MACROD2: variants seen among roughly 807,000 people sequenced by gnomAD.
MACROD2 encodes the protein ADP-ribose glycohydrolase MACROD2.
In MACROD2, 36 loss-of-function variants were observed where a neutral mutation model predicts 70.4. That is an observed-to-expected ratio of 0.51 (90% CI 0.39 to 0.68). The LOEUF is 0.68. Ranked by LOEUF, MACROD2 falls within the 30% of genes least tolerant of loss-of-function variation. The pLI is 0.00. For missense variants in MACROD2, 496 were observed against 538.4 expected (o/e 0.92, Z 0.78); for synonymous variants, 172 against 178.8 (o/e 0.96, Z 0.30).
At chr20:15,588,142 T>C (rs1052372983) in intron 8 of MACROD2, among the ~76,000 whole-genome samples, 13 of 152,320 alleles carry the variant, frequency 8.5e-5, no homozygotes, top group South Asian at 2.1e-4. Flanking sequence ...TTGACTTCTG[T>C]GCACCCGCAG....
At chr20:15,550,035 T>C (rs2048074877) in intron 8 of MACROD2, among the ~76,000 whole-genome samples, 1 of 152,068 alleles carries the variant, frequency 6.6e-6, no homozygotes, top group Non-Finnish European at 1.5e-5. Flanking sequence ...TCAGTTTATA[T>C]TCAGATTTCC....
chr20:14,861,305 T>C (rs1164420785), intron 5 of MACROD2, among the ~76,000 whole-genome samples: 1 of 152,088 alleles, frequency 6.6e-6, no homozygotes, highest in Non-Finnish European at 1.5e-5. Flanking sequence ...CCTGCAGAGA[T>C]GTTGTTCTCA....
intron 13 of MACROD2, among the ~76,000 whole-genome samples, chr20:15,983,407 T>C (rs1330281947): frequency 1.3e-5 from 2 of 152,110 alleles, no homozygotes; most frequent in Non-Finnish European, 2.9e-5. Flanking sequence ...CCAGTAAAGG[T>C]CCACCACAAT....
intron 3 of MACROD2, among the ~76,000 whole-genome samples, chr20:14,159,584 C>G (rs1051653028): frequency 6.6e-6 from 1 of 152,094 alleles, no homozygotes; most frequent in Non-Finnish European, 1.5e-5. Flanking sequence ...TATCCTGTAA[C>G]TTTACTGAAA....
intron 2 of MACROD2, among the ~76,000 whole-genome samples, chr20:14,078,068 A>G (rs950705052): frequency 2.6e-5 from 4 of 151,664 alleles, no homozygotes; most frequent in African/African-American, 9.7e-5. Context: ...ACGCCTGGCT[A>G]ATTTTGTATT....
intron 7 of MACROD2, among the ~76,000 whole-genome samples, chr20:15,482,953 T>C (rs1479257625): frequency 6.6e-6 from 1 of 152,074 alleles, no homozygotes; most frequent in Non-Finnish European, 1.5e-5. Context: ...GTTTCTTGTA[T>C]ATTTAGGATA....
At chr20:15,085,865 A>G (rs1201428343) in intron 5 of MACROD2, among the ~76,000 whole-genome samples, 1 of 109,372 alleles carries the variant, frequency 9.1e-6, no homozygotes, top group South Asian at 2.8e-4. Flanking sequence ...AATAACACAC[A>G]CACACACAAC....
intron 3 of MACROD2, among the ~76,000 whole-genome samples, chr20:14,447,309 C>A (rs559983124): frequency 3.9e-5 from 6 of 152,138 alleles, no homozygotes; most frequent in African/African-American, 1.4e-4. Context: ...TGAGCCACTG[C>A]GCCCAGCCGA....
intron 6 of MACROD2, among the ~76,000 whole-genome samples, chr20:15,334,280 CT>C (rs2146196200): frequency 6.6e-6 from 1 of 150,914 alleles, no homozygotes; most frequent in African/African-American, 2.5e-5. Flanking sequence ...TTTCTAAGTT[CT>C]TTTTTTCCTC....
At chr20:14,437,082 A>T (rs2084064496) in intron 3 of MACROD2, among the ~76,000 whole-genome samples, 1 of 152,206 alleles carries the variant, frequency 6.6e-6, no homozygotes, top group Admixed American at 6.5e-5. Flanking sequence ...AGAAAGTATA[A>T]TTAATGGCTC....
intron 3 of MACROD2, among the ~76,000 whole-genome samples, chr20:14,277,080 C>T (rs1218498022): frequency 1.3e-5 from 2 of 152,052 alleles, no homozygotes; most frequent in Non-Finnish European, 2.9e-5. Context: ...CTGTGGAAGT[C>T]CCTGGCTAGC....
intron 8 of MACROD2, among the ~76,000 whole-genome samples, chr20:15,702,434 T>C (rs2050473447): frequency 6.6e-6 from 1 of 152,246 alleles, no homozygotes. Context: ...TGAGTATTTT[T>C]TCATGTGTTT....
At chr20:14,377,037 C>G (rs2083378784) in intron 3 of MACROD2, among the ~76,000 whole-genome samples, 1 of 152,092 alleles carries the variant, frequency 6.6e-6, no homozygotes, top group Admixed American at 6.5e-5. Context: ...ATAAATATCA[C>G]TGTCTCCAAT....
At chr20:14,169,872 G>A (rs1231139835) in intron 3 of MACROD2, among the ~76,000 whole-genome samples, 3 of 151,804 alleles carry the variant, frequency 2.0e-5, no homozygotes, top group African/African-American at 7.3e-5. Flanking sequence ...CTCTTCTTAA[G>A]AGGTTCTTAA....
intron 5 of MACROD2, among the ~76,000 whole-genome samples, chr20:15,047,580 G>A (rs972576590): frequency 5.9e-5 from 9 of 152,142 alleles, no homozygotes; most frequent in Non-Finnish European, 1.3e-4. Context: ...TATTATAAGA[G>A]AACTTGAGTT....
intron 5 of MACROD2, among the ~76,000 whole-genome samples, chr20:15,027,114 A>G (rs2122984231): frequency 6.6e-6 from 1 of 152,254 alleles, no homozygotes; most frequent in East Asian, 1.9e-4. Context: ...ATGTGGTGTC[A>G]GTGGGGGTAG....
At chr20:15,167,164 A>G (rs541358297) in intron 5 of MACROD2, among the ~76,000 whole-genome samples, 1 of 152,264 alleles carries the variant, frequency 6.6e-6, no homozygotes, top group East Asian at 1.9e-4. Context: ...GAGTTTCTAT[A>G]CATTACCAAA....
At chr20:14,599,448 T>C (rs1464919975) in intron 4 of MACROD2, among the ~76,000 whole-genome samples, 1 of 152,134 alleles carries the variant, frequency 6.6e-6, no homozygotes, top group Non-Finnish European at 1.5e-5. Flanking sequence ...GGTAGTCAAG[T>C]AGCAGGAGCA....
At chr20:16,018,064 C>T (rs1429864032) in intron 15 of MACROD2, among the ~76,000 whole-genome samples, 2 of 152,090 alleles carry the variant, frequency 1.3e-5, no homozygotes, top group Non-Finnish European at 2.9e-5. Flanking sequence ...AGGCCTTTAG[C>T]CCTCTTCATC....
Sources: allele counts gnomAD v4.1 joint callset (sites outside exome capture counted in the v4.1 genomes callset), GRCh38; gene constraint gnomAD v4.1.1; transcripts MANE v1.5; gene names NCBI Gene and HGNC (gene_info 2026-07-23, HGNC 2026-07-21).